The following KLF9 variants were observed in gnomAD, a reference collection of about 807,000 sequenced individuals.
KLF9 encodes Krueppel-like factor 9.
A neutral mutation model predicts 17.3 loss-of-function variants in KLF9; 2 were observed. The observed-to-expected ratio is 0.12, with a 90% confidence interval of 0.05 to 0.36. KLF9 has a LOEUF of 0.36. Among genes scored for constraint, KLF9 ranks in the 10% least tolerant of loss-of-function variants. The pLI is 1.00. For missense variants in KLF9, 226 were observed against 333.2 expected (o/e 0.68, Z 2.51); for synonymous variants, 138 against 139.2 (o/e 0.99, Z 0.06).
chr9:70,407,197 T>G (rs539732491), intron 1 of KLF9, among the ~76,000 whole-genome samples: 24 of 152,286 alleles, frequency 1.6e-4, no homozygotes, highest in African/African-American at 5.8e-4. Context: ...AATCTGGGAA[T>G]TTCCCACAGA....
At chr9:70,410,973 GC>G (rs999221029) in intron 1 of KLF9, among the ~76,000 whole-genome samples, 8 of 152,192 alleles carry the variant, frequency 5.3e-5, no homozygotes, top group African/African-American at 1.9e-4. Flanking sequence ...ACTGACTGTA[GC>G]ACTTAAAGCT....
intron 1 of KLF9, among the ~76,000 whole-genome samples, chr9:70,411,698 A>C (rs2037314604): frequency 6.6e-6 from 1 of 152,204 alleles, no homozygotes; most frequent in South Asian, 2.1e-4. Context: ...TTTTTAAACC[A>C]CAGGCCCAAG....
At chr9:70,404,190 C>T (rs1051402623) in intron 1 of KLF9, among the ~76,000 whole-genome samples, 9 of 152,206 alleles carry the variant, frequency 5.9e-5, no homozygotes, top group Non-Finnish European at 1.3e-4. Flanking sequence ...TGGAACCTGA[C>T]ATATAATAAA....
intron 1 of KLF9, among the ~76,000 whole-genome samples, chr9:70,394,917 A>G (rs530486828): frequency 1.2e-4 from 19 of 152,340 alleles, no homozygotes; most frequent in Admixed American, 3.9e-4. Context: ...TTCTGTACAA[A>G]TTCATCTACG....
chr9:70,392,745 C>G (rs2037160463), intron 1 of KLF9, among the ~76,000 whole-genome samples: 1 of 152,152 alleles, frequency 6.6e-6, no homozygotes, highest in Admixed American at 6.5e-5. Context: ...GTCAGGCCCT[C>G]TCTTTGAGGC....
intron 1 of KLF9, among the ~76,000 whole-genome samples, chr9:70,397,416 A>G (rs1031778758): frequency 2.0e-5 from 3 of 151,954 alleles, no homozygotes; most frequent in Admixed American, 1.3e-4. Flanking sequence ...TGGAGGTTGC[A>G]GTGAGCTGAG....
At chr9:70,408,998 GTGTATATATA>G (rs2037276496) in intron 1 of KLF9, among the ~76,000 whole-genome samples, 1 of 75,392 alleles carries the variant, frequency 1.3e-5, no homozygotes, top group African/African-American at 5.3e-5. Flanking sequence ...ATATATATAT[GTGTATATATA>G]TATACACATA....
At chr9:70,403,714 G>A (rs899046068) in intron 1 of KLF9, among the ~76,000 whole-genome samples, 2 of 152,162 alleles carry the variant, frequency 1.3e-5, no homozygotes, top group African/African-American at 4.8e-5. Flanking sequence ...TCCCTGTTTG[G>A]ATTCTGTTGT....
intron 1 of KLF9, 135 bp downstream of exon 1, chr9:70,412,724 A>G (rs2037333338): frequency 1.2e-6 from 1 of 841,094 alleles, no homozygotes; most frequent in African/African-American, 1.7e-5. Context: ...TAAATTATTT[A>G]AAGAGTTAAA....
At chr9:70,396,328 A>G (rs1225513740) in intron 1 of KLF9, among the ~76,000 whole-genome samples, 1 of 152,268 alleles carries the variant, frequency 6.6e-6, no homozygotes, top group Middle Eastern at 3.2e-3. Context: ...GGTTTAATAC[A>G]TAAAGTATAT....
chr9:70,394,298 TAC>T (rs61688107), intron 1 of KLF9, among the ~76,000 whole-genome samples: 10 of 150,406 alleles, frequency 6.6e-5, no homozygotes, highest in Middle Eastern at 3.4e-3. Context: ...TAACAGCTCA[TAC>T]ACACACACAC....
Position 70,387,756 on chromosome 9 carries a change from T to C in KLF9, c.*20A>G, listed in dbSNP as rs1426113333. ...TCTCCTTTCGGGGTCCATCCCTCCC[T>C]GGCTTCCACGGGCAGCACCTCACAA... On this transcript the variant is annotated 3_prime_UTR_variant, in exon 2 of 2. Coordinates refer to ENST00000377126, the MANE Select transcript of KLF9 (RefSeq NM_001206.4). 6.2e-7 allele frequency: 1 copy of C among 1,609,188 alleles called. No individual in the cohort carries two copies. Among genetic ancestry groups the C allele is most frequent in the East Asian group, 2.2e-5 (1 of 44,784 alleles).
Position 70,386,373 on chromosome 9 carries a change from G to A in KLF9, c.*1403C>T, listed in dbSNP as rs1470274289. 6.6e-6 allele frequency: 1 copy of A among 152,620 alleles called. No homozygotes were observed. The highest frequency in any genetic ancestry group is 1.5e-5 in the Non-Finnish European group (1 of 68,036). 9.5% of individuals were successfully genotyped at this position (152,620 alleles called of 1,614,324 possible). A position where few individuals can be genotyped will look rare whatever the true frequency, so the allele number is the denominator to read the frequency against. On this transcript the variant is annotated 3_prime_UTR_variant, in exon 2 of 2. Transcript: ENST00000377126. ...ATATATTAGTGGTGAGGCTATTGAT[G>A]TAAAAGATACAGTGATGTGATTTCA...
At chr9:70,392,054 G>A (rs73649108) in intron 1 of KLF9, among the ~76,000 whole-genome samples, 3,811 of 152,246 alleles carry the variant, frequency 0.025, 143 homozygotes, top group African/African-American at 0.086. Context: ...TGGGTGTGGC[G>A]TTGCACACCT....
intron 1 of KLF9, among the ~76,000 whole-genome samples, chr9:70,398,489 ATT>A (rs397969034): frequency 7.0e-5 from 10 of 143,304 alleles, no homozygotes; most frequent in Non-Finnish European, 7.7e-5. Flanking sequence ...AGATAACAGA[ATT>A]TTTTTTTTTT....
Position 70,403,835 on chromosome 9 carries a change from T to C in KLF9, c.505+9024A>G, listed in dbSNP as rs147256075. ...GTAGGTATGGTCAGAGTCCAAGATT[T>C]CTGCTGACACTCCTAACCGAGGTTC... On this transcript the variant is annotated intron_variant, in intron 1 of 1. Transcript: ENST00000377126. Among the ~76,000 whole-genome samples the C allele has an allele frequency of 2.0e-3, 309 of 152,288 alleles. 1 individual carries two copies. The highest frequency in any genetic ancestry group is 7.1e-3 in the African/African-American group (296 of 41,542).
chr9:70,394,126 G>A (rs911929790), intron 1 of KLF9, among the ~76,000 whole-genome samples: 3 of 151,894 alleles, frequency 2.0e-5, no homozygotes, highest in African/African-American at 7.3e-5. Context: ...GCTCACGCCT[G>A]TAATCCCAGC....
chr9:70,391,825 G>T (rs931302125), intron 1 of KLF9, among the ~76,000 whole-genome samples: 14 of 152,196 alleles, frequency 9.2e-5, no homozygotes, highest in African/African-American at 3.1e-4. Flanking sequence ...CATGACAGGA[G>T]AAAGTTATAT....
intron 1 of KLF9, among the ~76,000 whole-genome samples, chr9:70,401,701 A>AG (rs1340349868): frequency 1.2e-4 from 18 of 149,570 alleles, no homozygotes; most frequent in Middle Eastern, 3.5e-3. Context: ...AAAAAAAAAA[A>AG]AAAAGAAAAG....
Sources: allele counts gnomAD v4.1 joint callset (sites outside exome capture counted in the v4.1 genomes callset), GRCh38; gene constraint gnomAD v4.1.1; transcripts MANE v1.5; gene names NCBI Gene and HGNC (gene_info 2026-07-23, HGNC 2026-07-21).